Variants in TSPEAR observed in about 807,000 individuals in gnomAD.
TSPEAR encodes the protein thrombospondin type laminin G domain and EAR repeats, also known as thrombospondin-type laminin G domain and EAR repeat-containing protein.
A neutral mutation model predicts 71.6 loss-of-function variants in TSPEAR; 69 were observed. The ratio of observed to expected loss-of-function variants is 0.96; its 90% CI spans 0.79 to 1.18. TSPEAR has a LOEUF of 1.18. Ranked by LOEUF, TSPEAR falls within the 50% of genes most tolerant of loss-of-function variation. The pLI, the probability that TSPEAR is intolerant of heterozygous loss-of-function variation, is 0.00. For missense variants in TSPEAR, 971 were observed against 894.9 expected, an observed-to-expected ratio of 1.09 and a Z score of -1.09; for synonymous variants, 402 against 387.2, an observed-to-expected ratio of 1.04 and a Z score of -0.45.
At chr21:44,709,603 G>T (rs1005986900) in intron 1 of TSPEAR, among the ~76,000 whole-genome samples, 2 of 152,256 alleles carry the variant, frequency 1.3e-5, no homozygotes, top group Non-Finnish European at 2.9e-5. Flanking sequence ...TGACCTGCGG[G>T]TCAACCACCC....
chr21:44,683,787 T>C (rs1986731506), intron 1 of TSPEAR, among the ~76,000 whole-genome samples: 1 of 152,342 alleles, frequency 6.6e-6, no homozygotes, highest in East Asian at 1.9e-4. Context: ...GCAGCTATTA[T>C]AGACATCTTC....
intron 1 of TSPEAR, chr21:44,592,652 G>A (rs1378843825): frequency 9.1e-7 from 1 of 1,097,734 alleles, no homozygotes; most frequent in South Asian, 1.7e-5. Context: ...CCGTGATGTG[G>A]GCCAGCTCAT....
chr21:44,567,026 T>G (rs1569189924), intron 2 of TSPEAR, among the ~76,000 whole-genome samples: 1 of 152,214 alleles, frequency 6.6e-6, no homozygotes, highest in Non-Finnish European at 1.5e-5. Context: ...TCATCATGGT[T>G]TAAACATTTT....
chr21:44,648,870 G>A (rs1351629257), intron 1 of TSPEAR, among the ~76,000 whole-genome samples: 1 of 152,248 alleles, frequency 6.6e-6, no homozygotes, highest in Non-Finnish European at 1.5e-5. Context: ...CCAAGCCCAC[G>A]CGGTCAAGCT....
At position 44,600,755 on chromosome 21, in the gene TSPEAR, C is replaced by A. The variant is rs1555928408; in HGVS notation, c.83-32750G>T. The A allele has an allele frequency of 1.3e-5, 21 of 1,604,082 alleles. No homozygotes were observed. The highest frequency in any genetic ancestry group is 4.5e-5 in the East Asian group (2 of 44,196). On this transcript the variant is annotated intron_variant, in intron 1 of 11. Coordinates refer to ENST00000323084, the MANE Select transcript of TSPEAR (RefSeq NM_144991.3). ...TGCCCAGAGAGCTGCTGCGAGCCCC[C>A]CTGCTGCGCCCCGGCCCCCTGCCTG...
At chr21:44,677,057 CCAGCT>C (rs1440664285) in intron 1 of TSPEAR, 2 of 756,794 alleles carry the variant, frequency 2.6e-6, no homozygotes, top group Non-Finnish European at 4.8e-6. Flanking sequence ...GCTTGGCCCA[CCAGCT>C]CATGATACTG....
chr21:44,632,106 GAAGT>G (rs1555935825), intron 1 of TSPEAR, among the ~76,000 whole-genome samples: 1 of 152,136 alleles, frequency 6.6e-6, no homozygotes, highest in Non-Finnish European at 1.5e-5. Context: ...TTAAATATTT[GAAGT>G]AATAATGACC....
intron 2 of TSPEAR, among the ~76,000 whole-genome samples, chr21:44,563,934 C>T (rs1257151651): frequency 6.6e-6 from 1 of 152,208 alleles, no homozygotes; most frequent in Non-Finnish European, 1.5e-5. Flanking sequence ...AGGCACATCA[C>T]AGCCTTTTTG....
intron 1 of TSPEAR, among the ~76,000 whole-genome samples, chr21:44,618,412 T>C (rs1471050554): frequency 1.3e-5 from 2 of 152,240 alleles, no homozygotes; most frequent in Non-Finnish European, 2.9e-5. Flanking sequence ...AGTATCTTTA[T>C]AGCAGTGTGA....
chr21:44,654,157 G>GCGA, intron 1 of TSPEAR: 1 of 764,912 alleles, frequency 1.3e-6, no homozygotes, highest in Non-Finnish European at 2.2e-6. Flanking sequence ...AAGGAGGCAG[G>GCGA]CGGTCTAGTC....
intron 9 of TSPEAR, chr21:44,519,526 C>T (rs2052688761): frequency 6.6e-6 from 1 of 152,384 alleles, no homozygotes; most frequent in Admixed American, 6.5e-5. Flanking sequence ...GTCAGGCTAA[C>T]CCATGACCGA....
At chr21:44,636,201 G>C (rs918484325) in intron 1 of TSPEAR, among the ~76,000 whole-genome samples, 7 of 152,200 alleles carry the variant, frequency 4.6e-5, no homozygotes, top group Non-Finnish European at 8.8e-5. Context: ...CTGAGCTGAG[G>C]CATGTGGACC....
At chr21:44,535,916 AAG>A (rs2053083050) in intron 2 of TSPEAR, among the ~76,000 whole-genome samples, 1 of 140,268 alleles carries the variant, frequency 7.1e-6, no homozygotes, top group Admixed American at 6.9e-5. Flanking sequence ...AAAAGGAAAA[AAG>A]AAAAAAAAAA....
At chr21:44,616,936 G>A (rs1982139675) in intron 1 of TSPEAR, among the ~76,000 whole-genome samples, 1 of 152,220 alleles carries the variant, frequency 6.6e-6, no homozygotes, top group African/African-American at 2.4e-5. Context: ...AAAGTTCCTG[G>A]GAGGAACACG....
At chr21:44,600,841 C>T (rs782593507) in intron 1 of TSPEAR, 1 of 1,608,796 alleles carries the variant, frequency 6.2e-7, no homozygotes, top group Non-Finnish European at 8.5e-7. Context: ...GACCTGTGAG[C>T]CCAGCCCCTG....
chr21:44,570,008 C>T (rs2053768561), intron 1 of TSPEAR, among the ~76,000 whole-genome samples: 1 of 152,114 alleles, frequency 6.6e-6, no homozygotes, highest in Non-Finnish European at 1.5e-5. Context: ...CCCTACTGCC[C>T]CTCCCCCCAG....
chr21:44,638,139 A>G (rs1362430180), intron 1 of TSPEAR: 18 of 1,612,576 alleles, frequency 1.1e-5, no homozygotes, highest in African/African-American at 4.0e-5. Context: ...CCTGCCTGCT[A>G]CAGCCTCTGC....
At chr21:44,502,118 C>A (rs782461190) in intron 11 of TSPEAR, among the ~76,000 whole-genome samples, 2 of 152,222 alleles carry the variant, frequency 1.3e-5, no homozygotes, top group Non-Finnish European at 2.9e-5. Flanking sequence ...CACTATAAAT[C>A]ATGACATCAA....
intron 1 of TSPEAR, among the ~76,000 whole-genome samples, chr21:44,610,247 A>T (rs1270323987): frequency 6.6e-6 from 1 of 152,246 alleles, no homozygotes; most frequent in Non-Finnish European, 1.5e-5. Context: ...CATGGGGAAA[A>T]TATCTCCAGG....
Sources: allele counts gnomAD v4.1 joint callset (sites outside exome capture counted in the v4.1 genomes callset), GRCh38; gene constraint gnomAD v4.1.1; transcripts MANE v1.5; gene names NCBI Gene and HGNC (gene_info 2026-07-23, HGNC 2026-07-21).